The following GLS variants were observed in gnomAD, a reference collection of about 807,000 sequenced individuals.
GLS encodes glutaminase.
Under a neutral mutation model 86.7 loss-of-function variants are expected in GLS, and 36 were observed. The observed-to-expected ratio is 0.42, with a 90% CI of 0.32 to 0.55. The LOEUF (loss-of-function observed/expected upper bound fraction) is 0.55. Ranked by LOEUF, GLS falls within the 20% of genes least tolerant of loss-of-function variation. The probability of loss-of-function intolerance (pLI) is 0.17; values close to 1 mark genes in which losing one functional copy is unlikely to be tolerated. For missense variants in GLS, 528 were observed against 833.4 expected (o/e 0.63, Z 4.51); for synonymous variants, 317 against 305.9 (o/e 1.04, Z -0.38).
intron 14 of GLS, among the ~76,000 whole-genome samples, chr2:190,937,655 T>G (rs546825509): frequency 1.3e-5 from 2 of 151,460 alleles, no homozygotes; most frequent in East Asian, 3.9e-4. Flanking sequence ...TTTTGTAGAT[T>G]GTAGATCTAC....
rs374475290 is a variant in GLS at position 190,907,865 on chromosome 2, ACT to A, written c.980-2397_980-2396del. On this transcript the variant is annotated intron_variant, in intron 6 of 17. Coordinates refer to ENST00000320717, the MANE Select transcript of GLS (RefSeq NM_014905.5). ...TCTAATACATAATGGGAGAAGACAT[ACT>A]TAAGCATTGAATACTGTTAGTTGTA... Among the ~76,000 whole-genome samples the A allele has an allele frequency of 2.4e-4, 36 of 152,354 alleles. 1 individual carries two copies. The South Asian group carries it at 5.2e-3, about 22-fold the overall frequency.
intron 14 of GLS, chr2:190,933,446 T>C: frequency 1.2e-6 from 1 of 867,188 alleles, no homozygotes; most frequent in Non-Finnish European, 1.4e-6. Context: ...AAAAAATTTA[T>C]TTAAAAATTT....
At chr2:190,881,499 C>G (rs1369805195) in intron 1 of GLS, 29 bp downstream of exon 1, 4 of 1,531,350 alleles carry the variant, frequency 2.6e-6, no homozygotes, top group African/African-American at 1.4e-5. Flanking sequence ...CGCAGGAGGC[C>G]TCGTTCCTTT....
chr2:190,895,162 C>A lies in GLS; in HGVS notation c.397C>A (p.Gln133Lys). The A allele has an allele frequency of 1.4e-6, 2 of 1,468,850 alleles. No individual in the cohort carries two copies. Among genetic ancestry groups the A allele is most frequent in the Non-Finnish European group, 1.9e-6 (2 of 1,053,642 alleles). 91.0% of individuals were successfully genotyped at this position (1,468,850 alleles called of 1,614,324 possible). ...TTTCTACCTCTTTAGTAAAATAAAA[C>A]AGGGTCTGTTACCTAGCTTGGAAGA... ...LVASGENKIK[Q>K]GLLPSLEDLL... is the part of the protein sequence containing the mutation. Residue 133 changes from glutamine to lysine, a missense_variant, in exon 2 of 18, where the codon CAG becomes AAG. This residue lies in a region of GLS where 111 missense variants were observed against 179.5 expected (regional missense o/e 0.62). Coordinates refer to ENST00000320717, the MANE Select transcript of GLS (RefSeq NM_014905.5). The surrounding 1 kb of genome is among the most constrained non-coding windows in gnomAD (Gnocchi z 4.2).
In GLS at chr2:190,914,651, CTT is replaced by C. The variant is rs889847055; in HGVS notation, c.1038+4334_1038+4335del. 5.9e-5 allele frequency among the ~76,000 whole-genome samples: 9 copies of C among 151,994 alleles called. No individual in the cohort carries two copies. Among genetic ancestry groups the C allele is most frequent in the Non-Finnish European group, 1.2e-4 (8 of 67,980 alleles). On this transcript the variant is annotated intron_variant, in intron 7 of 17. Transcript: ENST00000320717. This position sits in a 1 kb window ranked among gnomAD's most constrained non-coding sequence, Gnocchi z 4.4. ...TTCACAAAATCGTTTTTAGTTACCT[CTT>C]TTTGCCTTTTTCCTCTATGATCTCT...
At chr2:190,911,676 T>G (rs1005805911) in intron 7 of GLS, among the ~76,000 whole-genome samples, 1 of 152,068 alleles carries the variant, frequency 6.6e-6, no homozygotes, top group Non-Finnish European at 1.5e-5. Flanking sequence ...AATAATTGCT[T>G]AGATTTGAAC....
In GLS at chr2:190,953,948, ATATGTGTGTGTGTGTGTG is replaced by A. The variant is rs1340801261; in HGVS notation, c.1712+324_1712+341del. Among the ~76,000 whole-genome samples the A allele has an allele frequency of 2.1e-4, 23 of 108,734 alleles. No individual in the cohort carries two copies. Among genetic ancestry groups the A allele is most frequent in the African/African-American group, 8.4e-4 (23 of 27,488 alleles). 71.3% of individuals were successfully genotyped at this position (108,734 alleles called of 152,430 possible). On this transcript the variant is annotated intron_variant, in intron 15 of 17. Coordinates refer to ENST00000320717, the MANE Select transcript of GLS (RefSeq NM_014905.5). The surrounding 1 kb of genome is among the most constrained non-coding windows in gnomAD (Gnocchi z 4.0). ...GTCTACCCTCCATTCCCAATCTTTG[ATATGTGTGTGTGTGTGTG>A]TGTGTGTGTGTGTGTGTGTGTGTGT...
intron 6 of GLS, among the ~76,000 whole-genome samples, chr2:190,908,304 T>A (rs1481728548): frequency 6.6e-6 from 1 of 152,232 alleles, no homozygotes; most frequent in Admixed American, 6.5e-5. Flanking sequence ...GTATATGTAT[T>A]AGCAAACTTT....
At chr2:190,902,073 T>C (rs1688962532) in intron 5 of GLS, 47 bp downstream of exon 5, 4 of 1,051,016 alleles carry the variant, frequency 3.8e-6, no homozygotes, top group Non-Finnish European at 6.0e-6. Context: ...GCCTTAACTT[T>C]TGTATAATGG....
chr2:190,937,649 G>A, intron 14 of GLS, among the ~76,000 whole-genome samples: 1 of 151,206 alleles, frequency 6.6e-6, no homozygotes, highest in East Asian at 1.9e-4. Flanking sequence ...TTTCTATTTT[G>A]TAGATTGTAG....
rs1558978460 is a variant in GLS at position 190,914,587 on chromosome 2, T to G, written c.1038+4266T>G. ...TTTTATTTTCCTAATACTCTTTAGC[T>G]TTAAACCATTTTCTATCATAAGACT... On this transcript the variant is annotated intron_variant, in intron 7 of 17. Transcript: ENST00000320717. This position sits in a 1 kb window ranked among gnomAD's most constrained non-coding sequence, Gnocchi z 4.4. Among the ~76,000 whole-genome samples, 1 of 152,154 alleles carries G rather than the reference T, an allele frequency of 6.6e-6. No individual in the cohort carries two copies. The highest frequency in any genetic ancestry group is 1.5e-5 in the Non-Finnish European group (1 of 68,020).
intron 1 of GLS, 73 bp downstream of exon 1, chr2:190,881,543 G>T (rs979379662): frequency 1.2e-5 from 16 of 1,372,138 alleles, no homozygotes; most frequent in Non-Finnish European, 1.6e-5. Flanking sequence ...GGGGCCCTGC[G>T]GTGGGGCGGG....
rs982958479 is a variant in GLS, at chr2:190,963,176, TC to T, written c.*193del. ...GGGAAAAAATAGAAATAAAACAATC[TC>T]CCTCCATAATGTGAGCAATATTACC... On this transcript the variant is annotated 3_prime_UTR_variant, in exon 18 of 18. Transcript: ENST00000320717. The T allele has an allele frequency of 4.3e-6, 2 of 467,636 alleles. No homozygotes were observed. The highest frequency in any genetic ancestry group is 4.0e-5 in the Admixed American group (1 of 25,148). The allele number at this position is 467,636 out of a possible 1,614,324, so 29.0% of individuals were successfully genotyped here. A position where few individuals can be genotyped will look rare whatever the true frequency, so the allele number is the denominator to read the frequency against.
rs1478198580 is a variant in GLS at position 190,954,959 on chromosome 2, T to C, written c.1853+141T>C. 1 of 614,730 alleles carries C rather than the reference T, an allele frequency of 1.6e-6. No homozygotes were observed. Among genetic ancestry groups the C allele is most frequent in the African/African-American group, 1.8e-5 (1 of 54,308 alleles). The allele number at this position is 614,730 out of a possible 1,614,324, so 38.1% of individuals were successfully genotyped here. A position where few individuals can be genotyped will look rare whatever the true frequency, so the allele number is the denominator to read the frequency against. ...TTATAAAGGCAATAAACCTTGTTTC[T>C]ACTAGATAGGTAATTCTGTCTCCCA... On this transcript the variant is annotated intron_variant, in intron 17 of 17. Transcript: ENST00000320717. The surrounding 1 kb of genome is among the most constrained non-coding windows in gnomAD (Gnocchi z 4.0).
At position 190,920,482 on chromosome 2, in the gene GLS, T is replaced by C. The variant is rs182989442; in HGVS notation, c.1039-542T>C. Reference sequence around the variant, plus strand: ...GTGAGAGCTATTAAGAATAGAGCTTTCTCTGCAGTAGTAAAATGCAACCAG... The same window carrying C: ...GTGAGAGCTATTAAGAATAGAGCTTCCTCTGCAGTAGTAAAATGCAACCAG... On this transcript the variant is annotated intron_variant, in intron 7 of 17. Coordinates refer to ENST00000320717, the MANE Select transcript of GLS (RefSeq NM_014905.5). This position sits in a 1 kb window ranked among gnomAD's most constrained non-coding sequence, Gnocchi z 4.2. Among the ~76,000 whole-genome samples the C allele has an allele frequency of 9.9e-4, 150 of 151,960 alleles. No homozygotes were observed. The highest frequency in any genetic ancestry group is 2.6e-3 in the Admixed American group (39 of 15,272).
intron 14 of GLS, among the ~76,000 whole-genome samples, chr2:190,952,019 AC>A (rs1690731059): frequency 6.6e-6 from 1 of 152,240 alleles, no homozygotes; most frequent in Non-Finnish European, 1.5e-5. Context: ...AGCCTGGCCA[AC>A]ATAGTGAGAC....
At position 190,927,425 on chromosome 2, in the gene GLS, A is replaced by G. The variant is rs550397670; in HGVS notation, c.1368A>G (p.Thr456=). The G allele has an allele frequency of 6.2e-7, 1 of 1,613,858 alleles. No homozygotes were observed. The highest frequency in any genetic ancestry group is 1.1e-5 in the South Asian group (1 of 91,068). The change falls in exon 12 of 18, where the codon ACA becomes ACG. Residue 456 remains threonine (T), a synonymous_variant. Transcript: ENST00000320717. ...RVLSPEAVRN[T]LSLMHSCGMY... ...TGAGCCCTGAAGCAGTTCGAAATAC[A>G]TTGAGTTTGATGCATTCCTGTGGCA... is the stretch of plus-strand genomic sequence containing the variant.
intron 14 of GLS, among the ~76,000 whole-genome samples, chr2:190,936,042 A>C (rs1690260626): frequency 6.6e-6 from 1 of 151,246 alleles, no homozygotes; most frequent in African/African-American, 2.4e-5. Context: ...TGTTGTTTAC[A>C]TGAATTTGTA....
At chr2:190,950,637 A>G (rs1441668809) in intron 14 of GLS, among the ~76,000 whole-genome samples, 1 of 152,228 alleles carries the variant, frequency 6.6e-6, no homozygotes, top group Non-Finnish European at 1.5e-5. Context: ...CTCCCAGCAC[A>G]TGTACCTGGG....
Sources: allele counts gnomAD v4.1 joint callset (sites outside exome capture counted in the v4.1 genomes callset), GRCh38; gene constraint gnomAD v4.1.1; regional missense constraint gnomAD v4.1.1; non-coding constraint Gnocchi (gnomAD v3.1); transcripts MANE v1.5; gene names NCBI Gene and HGNC (gene_info 2026-07-23, HGNC 2026-07-21).